Variants in TTLL7 observed in about 807,000 individuals in gnomAD.
TTLL7 encodes tubulin tyrosine ligase like 7.
Under a neutral mutation model 120.2 loss-of-function variants are expected in TTLL7, and 53 were observed. The ratio of observed to expected loss-of-function variants is 0.44; its 90% CI spans 0.35 to 0.55. The LOEUF is 0.55. TTLL7 is among the 20% of genes least tolerant of loss of function. The pLI, the probability that TTLL7 is intolerant of heterozygous loss-of-function variation, is 0.00. For synonymous variants in TTLL7, 353 were observed against 351.7 expected (o/e 1.00, Z -0.04); for missense variants, 803 against 1,054.7 (o/e 0.76, Z 3.31).
intron 6 of TTLL7, 30 bp from the exon 7 acceptor site, chr1:83,942,709 G>T (rs746390960): frequency 2.0e-5 from 31 of 1,519,098 alleles, no homozygotes; most frequent in Non-Finnish European, 2.4e-5. Flanking sequence ...TTAAAAGAAT[G>T]ATTTGACATA....
At chr1:83,932,402 T>A (rs994161790) in intron 9 of TTLL7, among the ~76,000 whole-genome samples, 1 of 152,122 alleles carries the variant, frequency 6.6e-6, no homozygotes, top group African/African-American at 2.4e-5. Flanking sequence ...TGTTTTCATA[T>A]CCAAGGAACG....
At chr1:83,885,251 A>G (rs1336361878) in intron 19 of TTLL7, among the ~76,000 whole-genome samples, 1 of 151,978 alleles carries the variant, frequency 6.6e-6, no homozygotes, top group Non-Finnish European at 1.5e-5. Flanking sequence ...GGGTATGTCT[A>G]TAAAAGTCTA....
At chr1:83,996,759 C>A (rs1172020136) in intron 1 of TTLL7, among the ~76,000 whole-genome samples, 1 of 152,114 alleles carries the variant, frequency 6.6e-6, no homozygotes, top group Non-Finnish European at 1.5e-5. Flanking sequence ...AGTTCTAAAG[C>A]CAAGTTGGTA....
chr1:83,937,852 T>G lies in TTLL7; in HGVS notation c.888A>C (p.Ser296=), dbSNP rs762675466. Reference sequence around the variant, plus strand: ...TAATTGTGGAATGGCATAATCTTACTGAAATATCACTCCAAAACTTAGCAA... The same window carrying G: ...TAATTGTGGAATGGCATAATCTTACGGAAATATCACTCCAAAACTTAGCAA... ...HDVAKFWSDI[S]ELVVKTLIVA... is the part of the protein sequence containing the mutation. The change falls in exon 8 of 21, where the codon TCA becomes TCC. Residue 296 remains serine, a splice_region_variant and synonymous_variant. Coordinates refer to ENST00000260505, the MANE Select transcript of TTLL7 (RefSeq NM_024686.6). 6.2e-7 allele frequency: 1 copy of G among 1,613,908 alleles called. No individual in the cohort carries two copies. Among genetic ancestry groups the G allele is most frequent in the Non-Finnish European group, 8.5e-7 (1 of 1,179,824 alleles).
intron 1 of TTLL7, among the ~76,000 whole-genome samples, chr1:83,987,284 A>T (rs1025739913): frequency 6.6e-6 from 1 of 152,012 alleles, no homozygotes; most frequent in African/African-American, 2.4e-5. Context: ...TTAAAAAAAT[A>T]TAAAATCCTG....
chr1:83,894,933 G>A (rs1656083913), intron 18 of TTLL7, among the ~76,000 whole-genome samples: 1 of 152,030 alleles, frequency 6.6e-6, no homozygotes, highest in African/African-American at 2.4e-5. Flanking sequence ...GGAGGGCATG[G>A]AACAACAGAC....
chr1:83,980,291 G>A lies in TTLL7; in HGVS notation c.-177+18640C>T, dbSNP rs1651837017. The A allele has an allele frequency of 2.6e-5, 4 of 152,128 alleles. No individual in the cohort carries two copies. In the South Asian group the frequency reaches 8.3e-4, roughly 32 times the overall value. The allele number at this position is 152,128 out of a possible 1,614,324, so 9.4% of individuals were successfully genotyped here. Reference sequence around the variant, plus strand: ...CTGCTGGCTGAGACAGGCATTTGGAGCCACATTCTCCAAATGTGGCTGAAG... The same window carrying A: ...CTGCTGGCTGAGACAGGCATTTGGAACCACATTCTCCAAATGTGGCTGAAG... On this transcript the variant is annotated intron_variant, in intron 1 of 20. Transcript: ENST00000260505.
At chr1:83,937,482 C>T (rs1647517178) in intron 8 of TTLL7, among the ~76,000 whole-genome samples, 1 of 152,122 alleles carries the variant, frequency 6.6e-6, no homozygotes, top group African/African-American at 2.4e-5. Context: ...GAATTACAGG[C>T]GTGAGCCACT....
intron 5 of TTLL7, chr1:83,947,485 G>GA (rs985511550): frequency 0.049 from 15,888 of 326,946 alleles, no homozygotes; most frequent in Middle Eastern, 0.082. Flanking sequence ...ATTCATCAGT[G>GA]AAAAAAAAAA....
At position 83,872,633 on chromosome 1, in the gene TTLL7, T is replaced by C. The variant is rs1468984002; in HGVS notation, c.2544-2551A>G. 1.3e-5 allele frequency among the ~76,000 whole-genome samples: 2 copies of C among 152,252 alleles called. 1 individual carries two copies. Among genetic ancestry groups the C allele is most frequent in the African/African-American group, 4.8e-5 (2 of 41,474 alleles). On this transcript the variant is annotated intron_variant, in intron 20 of 20. Coordinates refer to ENST00000260505, the MANE Select transcript of TTLL7 (RefSeq NM_024686.6). ...AAGAATTTCCAAGTAATAGTTACTA[T>C]TGACATTTCAGTAACATTTACATAT...
At chr1:83,899,665 T>A (rs1485297941) in intron 18 of TTLL7, among the ~76,000 whole-genome samples, 1 of 151,892 alleles carries the variant, frequency 6.6e-6, no homozygotes, top group African/African-American at 2.4e-5. Context: ...ACTGAATACA[T>A]CGTTACACAA....
chr1:83,995,634 A>G (rs1653409323), intron 1 of TTLL7, among the ~76,000 whole-genome samples: 1 of 152,116 alleles, frequency 6.6e-6, no homozygotes, highest in South Asian at 2.1e-4. Context: ...AGTTTCAGGT[A>G]TTTATTTATA....
chr1:83,948,871 T>C (rs1648760159), intron 4 of TTLL7, 176 bp from the exon 5 acceptor site: 1 of 456,792 alleles, frequency 2.2e-6, no homozygotes, highest in African/African-American at 2.0e-5. Context: ...AAGAGTATGG[T>C]AATCAGAGAA....
At chr1:83,935,149 T>C (rs1162570212) in intron 8 of TTLL7, among the ~76,000 whole-genome samples, 4 of 152,144 alleles carry the variant, frequency 2.6e-5, no homozygotes, top group African/African-American at 4.8e-5. Context: ...GTTAACAAAT[T>C]CATGACAGCA....
At chr1:83,894,960 C>G (rs554636723) in intron 18 of TTLL7, among the ~76,000 whole-genome samples, 2 of 152,128 alleles carry the variant, frequency 1.3e-5, no homozygotes, top group East Asian at 3.9e-4. Flanking sequence ...AACAGGAACC[C>G]AAATCCTTCA....
rs868551350 is a variant in TTLL7 at position 83,865,757 on chromosome 1, C to T, written c.*4205G>A. On this transcript the variant is annotated 3_prime_UTR_variant, in exon 21 of 21. Transcript: ENST00000260505. ...CAACATATTTTATGTTTTATTATTGCTGAGGCAAAATCACACCACCATAAA... is the reference window on the plus strand; with the variant it reads ...CAACATATTTTATGTTTTATTATTGTTGAGGCAAAATCACACCACCATAAA... 3.9e-5 allele frequency: 6 copies of T among 152,000 alleles called. No individual in the cohort carries two copies. In the Middle Eastern group the frequency reaches 0.02, roughly 517 times the overall value. 9.4% of individuals were successfully genotyped at this position (152,000 alleles called of 1,614,324 possible). A position where few individuals can be genotyped will look rare whatever the true frequency, so the allele number is the denominator to read the frequency against.
intron 1 of TTLL7, among the ~76,000 whole-genome samples, chr1:83,954,864 C>CA (rs200599718): frequency 0.045 from 4,229 of 94,306 alleles, 101 homozygotes; most frequent in African/African-American, 0.1. Context: ...CTATCTAGTT[C>CA]AAAAAAAAAA....
At chr1:83,912,959 C>T (rs1203314327) in intron 14 of TTLL7, 1 of 152,106 alleles carries the variant, frequency 6.6e-6, no homozygotes, top group Admixed American at 6.6e-5. Flanking sequence ...CACAATCAGG[C>T]TTGCTAGTAG....
intron 6 of TTLL7, among the ~76,000 whole-genome samples, chr1:83,943,781 G>A (rs1648214706): frequency 6.6e-6 from 1 of 152,142 alleles, no homozygotes; most frequent in South Asian, 2.1e-4. Context: ...CAAATACAGG[G>A]AAACTATCAA....
Sources: gnomAD v4.1 joint callset for allele counts (sites outside exome capture counted in the v4.1 genomes callset) on GRCh38, gnomAD v4.1.1 for gene constraint, MANE v1.5 for transcripts, NCBI Gene and HGNC (gene_info 2026-07-23, HGNC 2026-07-21) for gene names.